CCDC85A: variants seen among roughly 807,000 people sequenced by gnomAD.
CCDC85A encodes coiled-coil domain-containing protein 85A.
Under a neutral mutation model 50.2 loss-of-function variants are expected in CCDC85A, and 38 were observed. The ratio of observed to expected loss-of-function variants is 0.76; its 90% confidence interval spans 0.58 to 0.99. CCDC85A has a LOEUF of 0.99. Ranked by LOEUF, CCDC85A falls within the 50% of genes least tolerant of loss-of-function variation. The pLI is 0.00. For synonymous variants in CCDC85A, 366 were observed against 301.4 expected (o/e 1.21, Z -2.22); for missense variants, 820 against 742.0 (o/e 1.11, Z -1.22).
chr2:56,370,788 C>G (rs1214951490), intron 3 of CCDC85A, among the ~76,000 whole-genome samples: 1 of 152,002 alleles, frequency 6.6e-6, no homozygotes, highest in Non-Finnish European at 1.5e-5. Context: ...GGGATTTAGC[C>G]TTGCTACACA....
intron 1 of CCDC85A, among the ~76,000 whole-genome samples, chr2:56,186,083 T>A (rs1017000174): frequency 4.6e-5 from 7 of 152,160 alleles, no homozygotes; most frequent in African/African-American, 1.7e-4. Context: ...CTCACCTATG[T>A]GCTGGGCCCA....
chr2:56,236,694 A>G (rs1669029890), intron 2 of CCDC85A, among the ~76,000 whole-genome samples: 1 of 152,228 alleles, frequency 6.6e-6, no homozygotes, highest in African/African-American at 2.4e-5. Context: ...AAGATTAAAT[A>G]AGCATTAGAC....
chr2:56,282,107 C>T (rs1671231581), intron 2 of CCDC85A, among the ~76,000 whole-genome samples: 1 of 151,974 alleles, frequency 6.6e-6, no homozygotes, highest in South Asian at 2.1e-4. Flanking sequence ...TAGTTCCTAA[C>T]ATGTGAGGAA....
chr2:56,376,878 G>C (rs1434428598), intron 5 of CCDC85A, among the ~76,000 whole-genome samples: 1 of 152,098 alleles, frequency 6.6e-6, no homozygotes, highest in East Asian at 1.9e-4. Context: ...TCTTAAAATT[G>C]TTTCAATTTC....
At chr2:56,191,189 T>C (rs1036725565) in intron 1 of CCDC85A, among the ~76,000 whole-genome samples, 1 of 152,224 alleles carries the variant, frequency 6.6e-6, no homozygotes, top group Non-Finnish European at 1.5e-5. Flanking sequence ...TGTAGCGGTA[T>C]CTTCTCTTGA....
chr2:56,374,292 C>G (rs745657729), intron 4 of CCDC85A, among the ~76,000 whole-genome samples: 11 of 152,034 alleles, frequency 7.2e-5, no homozygotes, highest in Non-Finnish European at 1.2e-4. Context: ...AGAATGTGGC[C>G]TCAGTAGGCT....
chr2:56,306,645 G>A (rs1396465025), intron 2 of CCDC85A, among the ~76,000 whole-genome samples: 1 of 152,066 alleles, frequency 6.6e-6, no homozygotes, highest in Non-Finnish European at 1.5e-5. Context: ...GTATACAGTA[G>A]CCTCATGCAA....
chr2:56,190,270 C>A (rs1280182487), intron 1 of CCDC85A, among the ~76,000 whole-genome samples: 3 of 152,084 alleles, frequency 2.0e-5, no homozygotes, highest in African/African-American at 7.2e-5. Context: ...TGTAGCTGCC[C>A]CTGTTTCATC....
intron 3 of CCDC85A, among the ~76,000 whole-genome samples, chr2:56,367,985 A>G (rs1011063096): frequency 4.7e-5 from 3 of 63,214 alleles, no homozygotes; most frequent in Non-Finnish European, 8.8e-5. Flanking sequence ...CATGCAGCTC[A>G]TAAGTGTCAG....
At chr2:56,252,106 G>A (rs186560600) in intron 2 of CCDC85A, among the ~76,000 whole-genome samples, 1 of 151,346 alleles carries the variant, frequency 6.6e-6, no homozygotes, top group African/African-American at 2.4e-5. Context: ...GAGTGCAATG[G>A]CTCAATCTTG....
At chr2:56,202,395 C>G (rs1257327066) in intron 2 of CCDC85A, among the ~76,000 whole-genome samples, 1 of 152,184 alleles carries the variant, frequency 6.6e-6, no homozygotes, top group African/African-American at 2.4e-5. Flanking sequence ...CACACAGACT[C>G]TCCTTACCCC....
intron 2 of CCDC85A, among the ~76,000 whole-genome samples, chr2:56,334,006 A>G (rs1021347998): frequency 2.0e-5 from 3 of 152,120 alleles, no homozygotes; most frequent in Admixed American, 2.0e-4. Flanking sequence ...TTCTGCCTAA[A>G]ACCCTCTTCT....
chr2:56,355,417 A>G (rs1675173576), intron 3 of CCDC85A, among the ~76,000 whole-genome samples: 1 of 152,104 alleles, frequency 6.6e-6, no homozygotes, highest in Non-Finnish European at 1.5e-5. Context: ...TCTATTTCTT[A>G]CCTTTGGGAG....
intron 1 of CCDC85A, chr2:56,185,638 TG>T (rs1411980997): frequency 6.6e-6 from 1 of 152,354 alleles, no homozygotes; most frequent in African/African-American, 2.4e-5. Context: ...TGGTCAGTGA[TG>T]GTTTCTTTCT....
chr2:56,238,432 AGTG>A (rs1487040299), intron 2 of CCDC85A, among the ~76,000 whole-genome samples: 1 of 149,926 alleles, frequency 6.7e-6, no homozygotes, highest in Non-Finnish European at 1.5e-5. Context: ...AAAAAAAAAA[AGTG>A]GCACTCAGCG....
intron 2 of CCDC85A, among the ~76,000 whole-genome samples, chr2:56,253,352 A>G (rs1326668866): frequency 1.3e-5 from 2 of 152,192 alleles, no homozygotes; most frequent in Non-Finnish European, 2.9e-5. Flanking sequence ...GACAGGAGCT[A>G]GGGTGAAGAT....
chr2:56,195,254 T>C (rs962627769), intron 2 of CCDC85A, among the ~76,000 whole-genome samples: 5 of 152,252 alleles, frequency 3.3e-5, no homozygotes, highest in African/African-American at 1.2e-4. Context: ...TTTTAAACAA[T>C]GCCTTGCATT....
intron 2 of CCDC85A, among the ~76,000 whole-genome samples, chr2:56,207,349 G>A (rs557967420): frequency 2.6e-5 from 4 of 152,248 alleles, no homozygotes; most frequent in Admixed American, 2.6e-4. Flanking sequence ...GCTTCAACTG[G>A]AGCATACTCT....
intron 2 of CCDC85A, among the ~76,000 whole-genome samples, chr2:56,286,005 C>T (rs1009346494): frequency 6.8e-6 from 1 of 147,284 alleles, no homozygotes; most frequent in African/African-American, 2.5e-5. Flanking sequence ...GGTTGACAGT[C>T]CCCCCCACCC....
Sources: gnomAD v4.1 joint callset for allele counts (sites outside exome capture counted in the v4.1 genomes callset) on GRCh38, gnomAD v4.1.1 for gene constraint, MANE v1.5 for transcripts, NCBI Gene and HGNC (gene_info 2026-07-23, HGNC 2026-07-21) for gene names.